The following PDE7B variants were observed in gnomAD, a reference collection of about 807,000 sequenced individuals.
PDE7B encodes phosphodiesterase 7B.
Under a neutral mutation model 56.2 loss-of-function variants are expected in PDE7B, and 29 were observed. That is an observed-to-expected ratio of 0.52 (90% CI 0.38 to 0.70). The LOEUF (loss-of-function observed/expected upper bound fraction) is 0.70, where lower values mean the gene tolerates loss of function less well. PDE7B is among the 30% of genes least tolerant of loss of function. The pLI is 0.00. For missense variants in PDE7B, 490 were observed against 565.0 expected (o/e 0.87, Z 1.35); for synonymous variants, 197 against 196.9 (o/e 1.00, Z 0.00).
Position 135,945,040 on chromosome 6 carries a change from C to T in PDE7B, c.22-2424C>T, listed in dbSNP as rs1225962162. On this transcript the variant is annotated intron_variant, in intron 1 of 12. Transcript: ENST00000308191. ...TTAGAACATTTAGGAAACCTCTGAT[C>T]CTTCATTTAAAAATATTAACACTTT... 4.6e-5 allele frequency among the ~76,000 whole-genome samples: 7 copies of T among 151,470 alleles called. No homozygotes were observed. In the East Asian group the frequency reaches 1.2e-3, roughly 25 times the overall value.
In PDE7B at chr6:136,180,925, A is replaced by T. The variant is rs536136742; in HGVS notation, c.949-302A>T. Among the ~76,000 whole-genome samples, 4 of 152,308 alleles carry T rather than the reference A, an allele frequency of 2.6e-5. No individual in the cohort carries two copies. In the South Asian group the frequency reaches 8.3e-4, roughly 32 times the overall value. On this transcript the variant is annotated intron_variant, in intron 10 of 12. Transcript: ENST00000308191. ...CTCCCTGCATGCAGGAGGTGGAGCT[A>T]CAGAAGGAGCCAGGCCATGGCTTTC...
At chr6:135,961,273 G>GTGTGTA (rs1774895731) in intron 2 of PDE7B, among the ~76,000 whole-genome samples, 1 of 138,192 alleles carries the variant, frequency 7.2e-6, no homozygotes, top group African/African-American at 2.9e-5. Flanking sequence ...GTGTGTGTGT[G>GTGTGTA]TGTGTGTATG....
chr6:135,997,564 C>T (rs746645963), intron 2 of PDE7B, among the ~76,000 whole-genome samples: 4 of 150,440 alleles, frequency 2.7e-5, no homozygotes, highest in Non-Finnish European at 4.4e-5. Context: ...TTGGAAAAAG[C>T]TCTTTATACA....
intron 2 of PDE7B, among the ~76,000 whole-genome samples, chr6:136,079,610 C>A (rs1462051786): frequency 1.3e-5 from 2 of 151,818 alleles, no homozygotes; most frequent in Non-Finnish European, 2.9e-5. Context: ...TATTTATACA[C>A]CTGAGTTTTC....
At chr6:135,942,360 T>C (rs1774520376) in intron 1 of PDE7B, among the ~76,000 whole-genome samples, 2 of 151,978 alleles carry the variant, frequency 1.3e-5, no homozygotes, top group Admixed American at 1.3e-4. Context: ...ATTTTTATTA[T>C]GTTTAAATGG....
chr6:136,033,055 C>A (rs576033175), intron 2 of PDE7B, among the ~76,000 whole-genome samples: 3 of 152,338 alleles, frequency 2.0e-5, no homozygotes, highest in Non-Finnish European at 4.4e-5. Flanking sequence ...GTGTACTCTA[C>A]CACCACTGTG....
intron 2 of PDE7B, chr6:136,012,586 T>C (rs1478912017): frequency 6.6e-6 from 1 of 152,202 alleles, no homozygotes; most frequent in Non-Finnish European, 1.5e-5. Context: ...TTCTCTTACA[T>C]GGCAGCAGGA....
At chr6:135,903,493 T>C (rs2128192242) in intron 1 of PDE7B, among the ~76,000 whole-genome samples, 1 of 152,280 alleles carries the variant, frequency 6.6e-6, no homozygotes, top group South Asian at 2.1e-4. Context: ...TTTCTCCTAA[T>C]ATTGGGGAAG....
intron 1 of PDE7B, among the ~76,000 whole-genome samples, chr6:135,888,465 T>C (rs1775750509): frequency 6.6e-6 from 1 of 152,120 alleles, no homozygotes; most frequent in African/African-American, 2.4e-5. Flanking sequence ...TGTGTGTGTG[T>C]GCATGTATAA....
At chr6:136,137,197 A>T (rs1338194093) in intron 3 of PDE7B, among the ~76,000 whole-genome samples, 1 of 152,016 alleles carries the variant, frequency 6.6e-6, no homozygotes, top group Non-Finnish European at 1.5e-5. Flanking sequence ...TTGAGGTTGT[A>T]GTACACTATG....
rs553269358 is a variant in PDE7B at position 135,862,581 on chromosome 6, A to G, written c.21+10562A>G. Among the ~76,000 whole-genome samples, 3 of 151,962 alleles carry G rather than the reference A, an allele frequency of 2.0e-5. No homozygotes were observed. The South Asian group carries it at 6.2e-4, about 31-fold the overall frequency. On this transcript the variant is annotated intron_variant, in intron 1 of 12. Coordinates refer to ENST00000308191, the MANE Select transcript of PDE7B (RefSeq NM_018945.4). ...TAAAAATGTTCTGGGACAGTTTTGT[A>G]AGTTTATATTATTTTTTTTCCTCAA...
chr6:136,090,239 G>A (rs555878095), intron 2 of PDE7B, among the ~76,000 whole-genome samples: 5 of 152,288 alleles, frequency 3.3e-5, no homozygotes, highest in South Asian at 2.1e-4. Context: ...GGAGCATCAC[G>A]ATCTGGGGAG....
At chr6:135,890,366 ATTGT>A (rs779663749) in intron 1 of PDE7B, among the ~76,000 whole-genome samples, 27 of 152,166 alleles carry the variant, frequency 1.8e-4, no homozygotes, top group Non-Finnish European at 1.0e-4. Flanking sequence ...CCACATGCAG[ATTGT>A]TTGTGCGTTC....
At chr6:136,055,484 TA>T (rs1776714029) in intron 2 of PDE7B, among the ~76,000 whole-genome samples, 1 of 152,228 alleles carries the variant, frequency 6.6e-6, no homozygotes, top group Non-Finnish European at 1.5e-5. Flanking sequence ...CAAGTTGTGT[TA>T]AAAGTTCAGA....
At chr6:135,864,131 C>T (rs779859261) in intron 1 of PDE7B, among the ~76,000 whole-genome samples, 5 of 151,938 alleles carry the variant, frequency 3.3e-5, no homozygotes, top group East Asian at 1.9e-4. Context: ...GTGACTATTG[C>T]GGTTACAGGA....
At chr6:136,172,300 T>C (rs1477305227) in intron 8 of PDE7B, among the ~76,000 whole-genome samples, 1 of 151,380 alleles carries the variant, frequency 6.6e-6, no homozygotes, top group African/African-American at 2.5e-5. Flanking sequence ...CCAGCACCTG[T>C]TGTTTCCTGA....
intron 1 of PDE7B, among the ~76,000 whole-genome samples, chr6:135,945,200 G>T (rs762602872): frequency 1.3e-5 from 2 of 152,160 alleles, no homozygotes; most frequent in African/African-American, 4.8e-5. Flanking sequence ...TCCATGGGTC[G>T]TTAATCCTCA....
At chr6:136,124,117 T>C (rs1375814149) in intron 3 of PDE7B, among the ~76,000 whole-genome samples, 1 of 152,126 alleles carries the variant, frequency 6.6e-6, no homozygotes, top group East Asian at 1.9e-4. Flanking sequence ...TGAATACTTA[T>C]ACTCCTTTAA....
intron 1 of PDE7B, among the ~76,000 whole-genome samples, chr6:135,858,554 C>A (rs1324948839): frequency 6.6e-6 from 1 of 152,062 alleles, no homozygotes. Flanking sequence ...CAGAGAATTC[C>A]CTGGAAGTAA....
Sources: gnomAD v4.1 joint callset for allele counts (sites outside exome capture counted in the v4.1 genomes callset) on GRCh38, gnomAD v4.1.1 for gene constraint, MANE v1.5 for transcripts, NCBI Gene and HGNC (gene_info 2026-07-23, HGNC 2026-07-21) for gene names.